Variants in GRID2 observed in about 807,000 individuals in gnomAD.
GRID2 encodes the protein glutamate receptor ionotropic, delta-2.
In GRID2, 33 loss-of-function variants were observed where a neutral mutation model predicts 114.8. The observed-to-expected ratio is 0.29, with a 90% CI of 0.22 to 0.38. The LOEUF (loss-of-function observed/expected upper bound fraction) is 0.38, where lower values mean the gene tolerates loss of function less well. Among genes scored for constraint, GRID2 ranks in the 10% least tolerant of loss-of-function variants. The pLI is 1.00. For missense variants in GRID2, 1,184 were observed against 1,257.7 expected, an observed-to-expected ratio of 0.94 and a Z score of 0.89; for synonymous variants, 505 against 449.9, an observed-to-expected ratio of 1.12 and a Z score of -1.55.
At chr4:92,700,202 T>C (rs1299048583) in intron 2 of GRID2, among the ~76,000 whole-genome samples, 1 of 152,180 alleles carries the variant, frequency 6.6e-6, no homozygotes, top group Non-Finnish European at 1.5e-5. Flanking sequence ...TCAGGAAATA[T>C]TCTGGTCTGT....
chr4:93,673,020 G>C (rs1424774021), intron 14 of GRID2, among the ~76,000 whole-genome samples: 1 of 152,026 alleles, frequency 6.6e-6, no homozygotes, highest in Non-Finnish European at 1.5e-5. Flanking sequence ...ATTTATCAGC[G>C]GTAGAACCAA....
At chr4:93,590,375 C>T (rs74582133) in intron 13 of GRID2, among the ~76,000 whole-genome samples, 23,111 of 142,658 alleles carry the variant, frequency 0.16, 2,325 homozygotes, top group Middle Eastern at 0.28. Flanking sequence ...AGATAGGTGG[C>T]GTTATTTCTG....
chr4:93,634,157 G>A (rs1336369536), intron 14 of GRID2, among the ~76,000 whole-genome samples: 1 of 152,132 alleles, frequency 6.6e-6, no homozygotes, highest in Non-Finnish European at 1.5e-5. Flanking sequence ...ATATAGTATA[G>A]ACAATACTTG....
At chr4:93,523,696 C>T (rs1005169339) in intron 13 of GRID2, among the ~76,000 whole-genome samples, 4 of 152,090 alleles carry the variant, frequency 2.6e-5, no homozygotes, top group African/African-American at 9.7e-5. Flanking sequence ...TGTGGGGCCC[C>T]TCTTCATCCC....
intron 13 of GRID2, among the ~76,000 whole-genome samples, chr4:93,539,398 A>G (rs941155513): frequency 6.6e-6 from 1 of 151,940 alleles, no homozygotes; most frequent in African/African-American, 2.4e-5. Flanking sequence ...CACTTATTCA[A>G]CCTCAAGCTT....
At chr4:92,450,172 A>G (rs1174302693) in intron 1 of GRID2, among the ~76,000 whole-genome samples, 1 of 152,082 alleles carries the variant, frequency 6.6e-6, no homozygotes, top group African/African-American at 2.4e-5. Context: ...TTTATCAATA[A>G]TAGTGTGATA....
intron 1 of GRID2, among the ~76,000 whole-genome samples, chr4:92,338,036 A>G (rs1175531852): frequency 1.3e-5 from 2 of 152,140 alleles, no homozygotes; most frequent in Non-Finnish European, 2.9e-5. Context: ...AGAAGCACCA[A>G]CAGTATCTGG....
intron 2 of GRID2, among the ~76,000 whole-genome samples, chr4:93,016,834 C>T (rs1425404380): frequency 9.2e-5 from 14 of 152,136 alleles, no homozygotes; most frequent in African/African-American, 3.1e-4. Flanking sequence ...ATTTTGAGCA[C>T]ACTTGTTTTT....
chr4:92,507,132 T>C (rs1370122445), intron 1 of GRID2, among the ~76,000 whole-genome samples: 1 of 151,970 alleles, frequency 6.6e-6, no homozygotes, highest in African/African-American at 2.4e-5. Context: ...CTGGCTTCCT[T>C]CTATCCCCAG....
intron 2 of GRID2, among the ~76,000 whole-genome samples, chr4:92,748,654 T>TATTATC (rs1737277951): frequency 6.8e-6 from 1 of 147,212 alleles, no homozygotes; most frequent in Non-Finnish European, 1.5e-5. Context: ...TTATTATTAT[T>TATTATC]ATTATTATTA....
At chr4:92,901,731 T>G (rs989100402) in intron 2 of GRID2, among the ~76,000 whole-genome samples, 1 of 152,060 alleles carries the variant, frequency 6.6e-6, no homozygotes, top group Admixed American at 6.6e-5. Flanking sequence ...ATGGTGTATT[T>G]TATTTTATTT....
At chr4:93,723,704 T>A (rs971644894) in intron 14 of GRID2, among the ~76,000 whole-genome samples, 1 of 152,224 alleles carries the variant, frequency 6.6e-6, no homozygotes, top group African/African-American at 2.4e-5. Context: ...GTAGTTTGAC[T>A]AATGGATCGA....
chr4:92,914,226 T>C (rs1384234699), intron 2 of GRID2, among the ~76,000 whole-genome samples: 2 of 152,122 alleles, frequency 1.3e-5, no homozygotes, highest in Non-Finnish European at 2.9e-5. Context: ...TGTTAAACAG[T>C]CATGCATTAG....
intron 1 of GRID2, among the ~76,000 whole-genome samples, chr4:92,455,150 G>T (rs1183958013): frequency 6.6e-6 from 1 of 151,998 alleles, no homozygotes; most frequent in African/African-American, 2.4e-5. Flanking sequence ...TCTTTGAAAG[G>T]CACTAGAATT....
intron 1 of GRID2, among the ~76,000 whole-genome samples, chr4:92,570,219 T>A (rs1727542920): frequency 1.3e-5 from 2 of 152,104 alleles, no homozygotes; most frequent in Admixed American, 1.3e-4. Flanking sequence ...CAGGGTATCT[T>A]TTCCTCATTC....
chr4:93,035,394 G>C (rs973227707), intron 2 of GRID2, among the ~76,000 whole-genome samples: 1 of 152,142 alleles, frequency 6.6e-6, no homozygotes, highest in Non-Finnish European at 1.5e-5. Flanking sequence ...GATTGCAGGT[G>C]TGATCCACTG....
At chr4:93,472,028 T>G (rs1724888599) in intron 11 of GRID2, among the ~76,000 whole-genome samples, 1 of 151,120 alleles carries the variant, frequency 6.6e-6, no homozygotes, top group Non-Finnish European at 1.5e-5. Context: ...TTATGCTGAT[T>G]GAAGTTAGAA....
chr4:93,123,952 A>C (rs900606955), intron 4 of GRID2, among the ~76,000 whole-genome samples: 12 of 118,090 alleles, frequency 1.0e-4, no homozygotes, highest in Admixed American at 2.3e-4. Context: ...CCTAATGATA[A>C]ATTTGAGGTT....
chr4:93,493,538 C>CT (rs11352364), intron 12 of GRID2, among the ~76,000 whole-genome samples: 37 of 148,550 alleles, frequency 2.5e-4, no homozygotes, highest in Middle Eastern at 3.4e-3. Context: ...CTGTCAAATT[C>CT]TTTTTTTTTT....
Sources: allele counts gnomAD v4.1 joint callset (sites outside exome capture counted in the v4.1 genomes callset), GRCh38; gene constraint gnomAD v4.1.1; transcripts MANE v1.5; gene names NCBI Gene and HGNC (gene_info 2026-07-23, HGNC 2026-07-21).